The following AVEN variants were observed in gnomAD, a reference collection of about 807,000 sequenced individuals.
AVEN encodes apoptosis and caspase activation inhibitor, also known as cell death regulator Aven.
A neutral mutation model predicts 38.1 loss-of-function variants in AVEN; 41 were observed. The observed-to-expected ratio is 1.08, with a 90% confidence interval of 0.84 to 1.40. The LOEUF is 1.40. AVEN is among the 40% of genes most tolerant of loss of function. AVEN has a pLI of 0.00. For missense variants in AVEN, 605 were observed against 438.8 expected (o/e 1.38, Z -3.38); for synonymous variants, 206 against 171.8 (o/e 1.20, Z -1.56).
At chr15:34,027,454 G>T (rs956076312) in intron 1 of AVEN, among the ~76,000 whole-genome samples, 1 of 151,642 alleles carries the variant, frequency 6.6e-6, no homozygotes, top group Non-Finnish European at 1.5e-5. Context: ...GCTTGAACCC[G>T]GAAGGCAGAG....
chr15:33,860,624 A>C (rs1887834212), intron 11 of AVEN: 1 of 1,594,162 alleles, frequency 6.3e-7, no homozygotes, highest in Admixed American at 1.7e-5. Context: ...CGGAGAGCTA[A>C]GAGACCAGCA....
chr15:34,016,897 G>C (rs1313613340), intron 1 of AVEN, among the ~76,000 whole-genome samples: 8 of 152,264 alleles, frequency 5.3e-5, no homozygotes, highest in African/African-American at 1.9e-4. Context: ...GGGAGGCCAA[G>C]GTGGGTGGAT....
intron 11 of AVEN, chr15:33,859,512 G>A (rs1936121665): frequency 6.3e-7 from 1 of 1,574,924 alleles, no homozygotes; most frequent in African/African-American, 1.3e-5. Context: ...TGAATGATCT[G>A]AGCATCTTGC....
chr15:33,993,151 T>C (rs1167316430), intron 2 of AVEN, among the ~76,000 whole-genome samples: 1 of 152,162 alleles, frequency 6.6e-6, no homozygotes, highest in African/African-American at 2.4e-5. Flanking sequence ...ATTTGACTTT[T>C]GGGGAAAAAA....
chr15:33,872,605 A>G (rs1220979887), intron 3 of AVEN, among the ~76,000 whole-genome samples: 2 of 152,110 alleles, frequency 1.3e-5, no homozygotes, highest in Non-Finnish European at 2.9e-5. Flanking sequence ...GAACGGCCGC[A>G]TATCACTCAG....
At chr15:33,968,447 G>A (rs754203972) in intron 2 of AVEN, among the ~76,000 whole-genome samples, 2 of 152,050 alleles carry the variant, frequency 1.3e-5, no homozygotes, top group Non-Finnish European at 2.9e-5. Context: ...GTATGGCAGC[G>A]TCATCCCATC....
At chr15:34,050,381 C>T (rs1433480311) in intron 5 of AVEN, among the ~76,000 whole-genome samples, 3 of 152,156 alleles carry the variant, frequency 2.0e-5, no homozygotes, top group South Asian at 2.1e-4. Context: ...AACCCGTTAC[C>T]GGACACTACA....
intron 5 of AVEN, among the ~76,000 whole-genome samples, chr15:34,058,610 A>G (rs1900237803): frequency 6.7e-6 from 1 of 150,252 alleles, no homozygotes. Context: ...AAGTAACCTG[A>G]TGTTAACTAA....
chr15:34,018,807 CA>C (rs1898072918), intron 1 of AVEN, among the ~76,000 whole-genome samples: 1 of 152,094 alleles, frequency 6.6e-6, no homozygotes, highest in East Asian at 1.9e-4. Context: ...GGTGCATTTA[CA>C]ATCATTTAGC....
At chr15:33,965,986 T>C (rs185459043) in intron 2 of AVEN, among the ~76,000 whole-genome samples, 259 of 152,294 alleles carry the variant, frequency 1.7e-3, no homozygotes, top group African/African-American at 5.5e-3. Flanking sequence ...GAAAATTACT[T>C]TCCACAATGG....
At chr15:34,001,558 T>C (rs899807183) in intron 2 of AVEN, among the ~76,000 whole-genome samples, 3 of 152,176 alleles carry the variant, frequency 2.0e-5, no homozygotes, top group Non-Finnish European at 4.4e-5. Flanking sequence ...GAAAAGTGCT[T>C]ATAAACCCAT....
At chr15:33,872,984 G>A (rs866053641) in intron 3 of AVEN, among the ~76,000 whole-genome samples, 1 of 151,422 alleles carries the variant, frequency 6.6e-6, no homozygotes, top group Non-Finnish European at 1.5e-5. Context: ...AAGCCGTGAC[G>A]CCCGGTCCCT....
chr15:34,062,720 G>A (rs1370026708), intron 5 of AVEN: 1 of 1,605,634 alleles, frequency 6.2e-7, no homozygotes, highest in East Asian at 2.2e-5. Flanking sequence ...GCACCAGGAT[G>A]GAAGGGGATT....
chr15:33,981,258 T>C (rs1896130950), intron 2 of AVEN, among the ~76,000 whole-genome samples: 1 of 152,224 alleles, frequency 6.6e-6, no homozygotes, highest in Non-Finnish European at 1.5e-5. Context: ...CATGCACAGT[T>C]TATAACACAT....
downstream of AVEN, chr15:33,856,912 C>T (rs1009339058): frequency 2.0e-5 from 3 of 152,288 alleles, no homozygotes; most frequent in South Asian, 2.1e-4. Flanking sequence ...CCGCCTCGGC[C>T]TCCTAAAGTG....
At chr15:33,961,998 C>A (rs1229660611) in intron 2 of AVEN, among the ~76,000 whole-genome samples, 2 of 151,958 alleles carry the variant, frequency 1.3e-5, no homozygotes, top group South Asian at 2.1e-4. Context: ...CAGAGCACAG[C>A]ATATTTATTC....
At chr15:33,996,648 G>A (rs1272580430) in intron 2 of AVEN, among the ~76,000 whole-genome samples, 6 of 152,184 alleles carry the variant, frequency 3.9e-5, no homozygotes, top group African/African-American at 1.4e-4. Flanking sequence ...AAACAGAAAG[G>A]AATAGCATCA....
At chr15:33,954,262 G>C (rs946003730) in intron 2 of AVEN, among the ~76,000 whole-genome samples, 1 of 152,152 alleles carries the variant, frequency 6.6e-6, no homozygotes, top group African/African-American at 2.4e-5. Flanking sequence ...CAAGGATCTA[G>C]AACTAGAAAT....
At chr15:33,989,683 A>G (rs563663) in intron 2 of AVEN, among the ~76,000 whole-genome samples, 79,436 of 151,762 alleles carry the variant, frequency 0.52, 22,637 homozygotes, top group Non-Finnish European at 0.65. Context: ...ATTTTCTTTA[A>G]GGACTTTATC....
Sources: allele counts gnomAD v4.1 joint callset (sites outside exome capture counted in the v4.1 genomes callset), GRCh38; gene constraint gnomAD v4.1.1; transcripts MANE v1.5; gene names NCBI Gene and HGNC (gene_info 2026-07-23, HGNC 2026-07-21).